The following NME9 variants were observed in gnomAD, a reference collection of about 807,000 sequenced individuals.
The protein encoded by NME9 is NME/NM23 family member 9.
A neutral mutation model predicts 44.4 loss-of-function variants in NME9; 48 were observed. The ratio of observed to expected loss-of-function variants is 1.08; its 90% confidence interval spans 0.86 to 1.37. NME9 has a LOEUF of 1.37. Among genes scored for constraint, NME9 ranks in the 40% most tolerant of loss-of-function variants. The pLI, the probability that NME9 is intolerant of heterozygous loss-of-function variation, is 0.00. For missense variants in NME9, 325 were observed against 405.2 expected (o/e 0.80, Z 1.70); for synonymous variants, 139 against 147.1 (o/e 0.94, Z 0.40).
rs573635027 is a variant in NME9, at chr3:138,322,559, T to C, written c.91+2314A>G. Among the ~76,000 whole-genome samples, 42 of 151,846 alleles carry C rather than the reference T, an allele frequency of 2.8e-4. No individual in the cohort carries two copies. The East Asian group carries it at 7.6e-3, about 27-fold the overall frequency. On this transcript the variant is annotated intron_variant, in intron 2 of 10. Transcript: ENST00000333911. ...GTGTAGGTCTGAAGGGACTTTGGCA[T>C]GTTGAAAGCAGGTGAAAATGAGCCA...
chr3:138,285,855 C>G (rs748936368), intron 8 of NME9, among the ~76,000 whole-genome samples: 2 of 152,166 alleles, frequency 1.3e-5, no homozygotes, highest in African/African-American at 4.8e-5. Context: ...AATACTAATC[C>G]ACACTGTATC....
intron 8 of NME9, chr3:138,295,790 T>G (rs559414642): frequency 1.3e-6 from 2 of 1,560,824 alleles, no homozygotes; most frequent in East Asian, 2.3e-5. Flanking sequence ...CTATCATCAT[T>G]GAACCATAGG....
At chr3:138,264,283 A>G (rs921302971) in intron 8 of NME9, 6 of 1,198,038 alleles carry the variant, frequency 5.0e-6, no homozygotes, top group Admixed American at 1.8e-5. Flanking sequence ...AGCTAACACT[A>G]CTCCCTGGTC....
chr3:138,301,179 A>G lies in NME9; in HGVS notation c.*461T>C. On this transcript the variant is annotated 3_prime_UTR_variant, in exon 11 of 11. Transcript: ENST00000333911. Reference sequence around the variant, plus strand: ...ATACTGTTTAATAAGGCAGAAAAGTATATACTATTCTCTTTCTTTACTTTT... The same window carrying G: ...ATACTGTTTAATAAGGCAGAAAAGTGTATACTATTCTCTTTCTTTACTTTT... 2.3e-6 allele frequency: 2 copies of G among 887,658 alleles called. No individual in the cohort carries two copies. The highest frequency in any genetic ancestry group is 2.7e-6 in the Non-Finnish European group (2 of 740,966). The allele number at this position is 887,658 out of a possible 1,614,324, so 55.0% of individuals were successfully genotyped here. A position where few individuals can be genotyped will look rare whatever the true frequency, so the allele number is the denominator to read the frequency against.
intron 6 of NME9, among the ~76,000 whole-genome samples, chr3:138,310,959 T>C (rs1351163948): frequency 6.6e-6 from 1 of 151,970 alleles, no homozygotes; most frequent in Non-Finnish European, 1.5e-5. Context: ...AGAAGATCAA[T>C]GAAGCAAAAA....
rs535263082 is a variant in NME9 at position 138,303,242 on chromosome 3, C to A, written c.928+265G>T. 1.7e-5 allele frequency: 6 copies of A among 347,682 alleles called. No individual in the cohort carries two copies. In the South Asian group the frequency reaches 4.1e-4, roughly 24 times the overall value. 21.5% of individuals were successfully genotyped at this position (347,682 alleles called of 1,614,324 possible). On this transcript the variant is annotated intron_variant, in intron 10 of 10. Coordinates refer to ENST00000333911, the MANE Select transcript of NME9 (RefSeq NM_001349018.2). ...TCCACAGGGAAATGCAAATAAAGTA[C>A]TTTTTGTAACAAAAATATGACTCCA...
Position 138,301,540 on chromosome 3 carries a change from C to T in NME9, c.*100G>A. The T allele has an allele frequency of 6.7e-7, 1 of 1,493,820 alleles. No homozygotes were observed. The highest frequency in any genetic ancestry group is 8.9e-7 in the Non-Finnish European group (1 of 1,125,300). 92.5% of individuals were successfully genotyped at this position (1,493,820 alleles called of 1,614,324 possible). On this transcript the variant is annotated 3_prime_UTR_variant, in exon 11 of 11. Coordinates refer to ENST00000333911, the MANE Select transcript of NME9 (RefSeq NM_001349018.2). ...CATTGTCTACAAAAGACAGCTAAACCAAAAAGTATTGGTACTCAAAAGAGT... is the reference window on the plus strand; with the variant it reads ...CATTGTCTACAAAAGACAGCTAAACTAAAAAGTATTGGTACTCAAAAGAGT...
chr3:138,322,482 A>AGG (rs1364404373), intron 2 of NME9, among the ~76,000 whole-genome samples: 2 of 107,590 alleles, frequency 1.9e-5, no homozygotes, highest in South Asian at 6.3e-4. Flanking sequence ...GACAAGAAAA[A>AGG]GGGGTGTGTG....
chr3:138,262,672 G>T, intron 8 of NME9: 1 of 1,306,226 alleles, frequency 7.7e-7, no homozygotes, highest in South Asian at 1.9e-5. Flanking sequence ...TGTATGGCCT[G>T]GACATAGGAT....
intron 8 of NME9, among the ~76,000 whole-genome samples, chr3:138,283,287 T>C (rs2050114865): frequency 6.6e-6 from 1 of 152,214 alleles, no homozygotes; most frequent in Non-Finnish European, 1.5e-5. Context: ...TTAGCTTAAT[T>C]AGCTTGTCTT....
intron 6 of NME9, among the ~76,000 whole-genome samples, chr3:138,311,961 A>G (rs1328065051): frequency 3.9e-5 from 6 of 152,230 alleles, no homozygotes. Flanking sequence ...ATATGTATAT[A>G]CCAACAGCAA....
At chr3:138,301,752 C>T (rs1257012650) in intron 10 of NME9, 48 bp from the exon 11 acceptor site, 1 of 1,431,684 alleles carries the variant, frequency 7.0e-7, no homozygotes. Context: ...AGCCCTGTCC[C>T]AGACCTTCTG....
downstream of NME9, chr3:138,300,974 G>C (rs567703433): frequency 7.7e-5 from 61 of 796,518 alleles, no homozygotes; most frequent in Non-Finnish European, 8.7e-5. Context: ...CAAGCTCATG[G>C]TTACCAAATT....
At chr3:138,267,531 C>T (rs2048385380) in intron 8 of NME9, among the ~76,000 whole-genome samples, 1 of 152,136 alleles carries the variant, frequency 6.6e-6, no homozygotes, top group Non-Finnish European at 1.5e-5. Context: ...AATAATTTTT[C>T]TTACAAATAG....
intron 8 of NME9, among the ~76,000 whole-genome samples, chr3:138,278,782 A>G (rs1268973715): frequency 6.6e-6 from 1 of 152,050 alleles, no homozygotes; most frequent in Admixed American, 6.6e-5. Flanking sequence ...TCTTGGTCAG[A>G]TTTATTCCTA....
At position 138,308,227 on chromosome 3, in the gene NME9, C is replaced by T. The variant is rs557013081; in HGVS notation, c.461-1747G>A. On this transcript the variant is annotated intron_variant, in intron 6 of 10. Coordinates refer to ENST00000333911, the MANE Select transcript of NME9 (RefSeq NM_001349018.2). ...TGAAGTTTTGCTGTCCTAAACTGTG[C>T]CTTCTCCGTTGTTAGAATCCAACTC... Among the ~76,000 whole-genome samples the T allele has an allele frequency of 4.6e-5, 7 of 152,306 alleles. No homozygotes were observed. In the South Asian group the frequency reaches 1.5e-3, roughly 32 times the overall value.
intron 2 of NME9, among the ~76,000 whole-genome samples, chr3:138,322,963 A>G (rs1237211404): frequency 6.6e-6 from 1 of 152,260 alleles, no homozygotes; most frequent in Non-Finnish European, 1.5e-5. Context: ...CAGACAAGAC[A>G]CATGGACAAA....
rs920764033 is a variant in NME9, at chr3:138,282,858, C to T, written c.746-20272G>A. Among the ~76,000 whole-genome samples, 3 of 152,160 alleles carry T rather than the reference C, an allele frequency of 2.0e-5. No homozygotes were observed. The South Asian group carries it at 6.2e-4, about 32-fold the overall frequency. ...GTCTGCCCCTTCATAAGATCTTTTC[C>T]GCAAGAGACTAACCAAAAAGAGTGC... On this transcript the variant is annotated intron_variant, in intron 8 of 8. Transcript: ENST00000317876.
Position 138,301,072 on chromosome 3 carries a change from T to C in NME9, c.*568A>G. ...ACCCAGTATCCTCTGAGATGACACT[T>C]ATATCTCACAACAGGATGTAATAAC... is the stretch of plus-strand genomic sequence containing the variant. On this transcript the variant is annotated 3_prime_UTR_variant, in exon 11 of 11. Coordinates refer to ENST00000333911, the MANE Select transcript of NME9 (RefSeq NM_001349018.2). 2.1e-6 allele frequency: 2 copies of C among 972,726 alleles called. No homozygotes were observed. Among genetic ancestry groups the C allele is most frequent in the Non-Finnish European group, 2.4e-6 (2 of 818,356 alleles). 60.3% of individuals were successfully genotyped at this position (972,726 alleles called of 1,614,324 possible).
Sources: allele counts gnomAD v4.1 joint callset (sites outside exome capture counted in the v4.1 genomes callset), GRCh38; gene constraint gnomAD v4.1.1; transcripts MANE v1.5; gene names NCBI Gene and HGNC (gene_info 2026-07-23, HGNC 2026-07-21).